Variants in ACTR10 observed in about 807,000 individuals in gnomAD.
ACTR10 encodes actin-related protein 10.
ACTR10 carries 43 observed loss-of-function variants against 56.2 expected under a neutral mutation model. That is an observed-to-expected ratio of 0.77 (90% CI 0.60 to 0.99). ACTR10 has a LOEUF of 0.99. ACTR10 is among the 50% of genes least tolerant of loss of function. ACTR10 has a pLI of 0.00. For synonymous variants in ACTR10, 170 were observed against 176.3 expected, an observed-to-expected ratio of 0.96 and a Z score of 0.28; for missense variants, 466 against 507.8, an observed-to-expected ratio of 0.92 and a Z score of 0.79.
At chr14:58,202,808 A>G (rs1296953341) in intron 1 of ACTR10, 47 bp from the exon 2 acceptor site, 1 of 1,322,132 alleles carries the variant, frequency 7.6e-7, no homozygotes, top group Non-Finnish European at 1.1e-6. Context: ...TGTGACAAAT[A>G]TTTAAAAGAA....
chr14:58,201,917 C>T (rs1888714949), intron 1 of ACTR10, among the ~76,000 whole-genome samples: 1 of 150,244 alleles, frequency 6.7e-6, no homozygotes, highest in Non-Finnish European at 1.5e-5. Context: ...GGGGGAGGAT[C>T]GCTTGAGCCT....
intron 8 of ACTR10, among the ~76,000 whole-genome samples, chr14:58,222,793 G>C (rs1482248118): frequency 6.8e-6 from 1 of 146,572 alleles, no homozygotes; most frequent in South Asian, 2.1e-4. Flanking sequence ...AAAAATTGGC[G>C]TTGTGTTCTG....
intron 2 of ACTR10, among the ~76,000 whole-genome samples, chr14:58,206,685 TTATA>T (rs1888871292): frequency 6.6e-6 from 1 of 152,214 alleles, no homozygotes; most frequent in Non-Finnish European, 1.5e-5. Context: ...GAAGCCATTG[TTATA>T]TATTAGCATT....
intron 2 of ACTR10, among the ~76,000 whole-genome samples, chr14:58,205,467 G>A (rs1164932985): frequency 3.3e-5 from 5 of 150,986 alleles, no homozygotes; most frequent in East Asian, 2.0e-4. Flanking sequence ...GTTGCCCGCC[G>A]CCACGCCCAG....
At chr14:58,233,700 G>C (rs1324048851) in intron 12 of ACTR10, among the ~76,000 whole-genome samples, 1 of 152,118 alleles carries the variant, frequency 6.6e-6, no homozygotes, top group Non-Finnish European at 1.5e-5. Flanking sequence ...CTACTTTGAA[G>C]GGAAAAACAA....
At position 58,232,238 on chromosome 14, in the gene ACTR10, C is replaced by A; in HGVS notation, c.1043C>A (p.Ala348Glu). 6.2e-7 allele frequency: 1 copy of A among 1,613,544 alleles called. No individual in the cohort carries two copies. The highest frequency in any genetic ancestry group is 1.1e-5 in the South Asian group (1 of 91,028). The change falls in exon 12 of 13, where the codon GCA becomes GAA. Residue 348 changes from alanine to glutamate, a missense_variant. Transcript: ENST00000254286. ...ACATTTCGAATTCATACTCCACCTG[C>A]AAAAGCTAATTGTGTGGCCTGGTTG... ...TKTFRIHTPP[A>E]KANCVAWLGG...
chr14:58,233,240 CTTTAA>C (rs775502139), intron 12 of ACTR10, among the ~76,000 whole-genome samples: 1 of 152,064 alleles, frequency 6.6e-6, no homozygotes, highest in Non-Finnish European at 1.5e-5. Flanking sequence ...AAATTGGCCT[CTTTAA>C]TTTATGAGTA....
chr14:58,208,508 T>C (rs775678818), intron 3 of ACTR10, among the ~76,000 whole-genome samples: 5 of 152,090 alleles, frequency 3.3e-5, no homozygotes, highest in Non-Finnish European at 7.4e-5. Flanking sequence ...AAGTTTTACG[T>C]GTCATAATAT....
In ACTR10 at chr14:58,209,076, C is replaced by CGTCT. The variant is rs1286838220; in HGVS notation, c.311_312insGTCT (p.Leu105SerfsTer11). 6.2e-7 allele frequency: 1 copy of CGTCT among 1,606,594 alleles called. No individual in the cohort carries two copies. Reference sequence around the variant, plus strand: ...TTATGTCCTTCTCACTTCAGAGAGACACTCACTCGTGTTCTTTTCAAATAT... The same window carrying CGTCT: ...TTATGTCCTTCTCACTTCAGAGAGACGTCTACTCACTCGTGTTCTTTTCAAATAT... On this transcript the variant is annotated frameshift_variant, in exon 4 of 13. Transcript: ENST00000254286. LOFTEE classifies it high-confidence loss of function.
intron 11 of ACTR10, among the ~76,000 whole-genome samples, chr14:58,231,512 C>A (rs1054181902): frequency 1.3e-5 from 2 of 152,140 alleles, no homozygotes; most frequent in African/African-American, 4.8e-5. Flanking sequence ...TATAGGACTT[C>A]GCATGAAATA....
chr14:58,225,699 G>A lies in ACTR10; in HGVS notation c.788+1843G>A, dbSNP rs751315605. Among the ~76,000 whole-genome samples the A allele has an allele frequency of 4.6e-4, 70 of 151,140 alleles. 1 individual carries two copies. Among genetic ancestry groups the A allele is most frequent in the Non-Finnish European group, 1.9e-4 (13 of 67,882 alleles). On this transcript the variant is annotated intron_variant, in intron 10 of 12. Transcript: ENST00000254286. ...TAAAGAAATACAGAGGCCAGGCATG[G>A]TAGTTCACACTTCTTTTTTTTTTTT...
intron 5 of ACTR10, among the ~76,000 whole-genome samples, chr14:58,212,786 C>T (rs1408119777): frequency 3.3e-5 from 5 of 152,104 alleles, no homozygotes; most frequent in South Asian, 2.1e-4. Context: ...CTCTCAGCTC[C>T]GTCCTGTAGA....
chr14:58,221,144 G>T (rs1056908686), intron 8 of ACTR10, among the ~76,000 whole-genome samples: 1 of 151,890 alleles, frequency 6.6e-6, no homozygotes, highest in East Asian at 1.9e-4. Context: ...TTAGCTGGGC[G>T]TGGTGGCACT....
chr14:58,219,640 A>G (rs1889218042), intron 7 of ACTR10, 54 bp from the exon 8 acceptor site: 2 of 1,163,634 alleles, frequency 1.7e-6, no homozygotes, highest in Non-Finnish European at 2.3e-6. Context: ...GCAATTTAAT[A>G]GACTGTTTTT....
chr14:58,215,791 C>T (rs1472668528), intron 7 of ACTR10, among the ~76,000 whole-genome samples: 3 of 152,070 alleles, frequency 2.0e-5, no homozygotes, highest in Non-Finnish European at 2.9e-5. Flanking sequence ...TTATTAGAGA[C>T]TGTGCATGTC....
chr14:58,223,744 A>T, intron 9 of ACTR10, 39 bp from the exon 10 acceptor site: 1 of 1,608,708 alleles, frequency 6.2e-7, no homozygotes, highest in Non-Finnish European at 8.5e-7. Context: ...CAAAGGTTAC[A>T]ACATGTGTGG....
At chr14:58,221,199 C>G (rs1594810752) in intron 8 of ACTR10, among the ~76,000 whole-genome samples, 1 of 150,418 alleles carries the variant, frequency 6.6e-6, no homozygotes, top group Middle Eastern at 3.5e-3. Flanking sequence ...AGGAGAATTG[C>G]TTGAACCTGG....
chr14:58,229,632 C>A (rs1211397305), intron 10 of ACTR10, among the ~76,000 whole-genome samples: 1 of 147,738 alleles, frequency 6.8e-6, no homozygotes, highest in East Asian at 2.0e-4. Context: ...GAGCCGAGAT[C>A]ACGCCACTGC....
At chr14:58,222,141 GCATT>G in intron 8 of ACTR10, among the ~76,000 whole-genome samples, 1 of 151,668 alleles carries the variant, frequency 6.6e-6, no homozygotes, top group African/African-American at 2.4e-5. Context: ...ATATCAATAT[GCATT>G]ATATATATTA....
Sources: gnomAD v4.1 joint callset for allele counts (sites outside exome capture counted in the v4.1 genomes callset) on GRCh38, gnomAD v4.1.1 for gene constraint, MANE v1.5 for transcripts, NCBI Gene and HGNC (gene_info 2026-07-23, HGNC 2026-07-21) for gene names.